EPHA3: variants seen among roughly 807,000 people sequenced by gnomAD.
EPHA3 encodes EPH receptor A3, also known as ephrin type-A receptor 3.
EPHA3 carries 42 observed loss-of-function variants against 107.1 expected under a neutral mutation model. The ratio of observed to expected loss-of-function variants is 0.39; its 90% CI spans 0.31 to 0.51. The LOEUF is 0.51. Among genes scored for constraint, EPHA3 ranks in the 20% least tolerant of loss-of-function variants. The probability of loss-of-function intolerance (pLI) is 0.78; values close to 1 mark genes in which losing one functional copy is unlikely to be tolerated. For missense variants in EPHA3, 1,183 were observed against 1,211.2 expected, an observed-to-expected ratio of 0.98 and a Z score of 0.35; for synonymous variants, 461 against 424.8, an observed-to-expected ratio of 1.09 and a Z score of -1.05.
At chr3:89,351,620 T>C (rs1707822461) in intron 5 of EPHA3, among the ~76,000 whole-genome samples, 1 of 151,296 alleles carries the variant, frequency 6.6e-6, no homozygotes, top group Non-Finnish European at 1.5e-5. Flanking sequence ...GCTGTTCCTA[T>C]TCGGCCATCT....
chr3:89,275,831 C>T (rs1017794770), intron 3 of EPHA3, among the ~76,000 whole-genome samples: 8 of 152,004 alleles, frequency 5.3e-5, no homozygotes, highest in South Asian at 2.1e-4. Flanking sequence ...CTAAAAGCTA[C>T]GAACTTTGCT....
chr3:89,201,430 G>A (rs1705966694), intron 2 of EPHA3, among the ~76,000 whole-genome samples: 1 of 152,136 alleles, frequency 6.6e-6, no homozygotes, highest in Non-Finnish European at 1.5e-5. Flanking sequence ...ATAAAAATCT[G>A]TCATGTGTAC....
At chr3:89,137,933 C>T (rs1411892954) in intron 2 of EPHA3, among the ~76,000 whole-genome samples, 2 of 151,872 alleles carry the variant, frequency 1.3e-5, no homozygotes, top group African/African-American at 4.8e-5. Context: ...CCAATCATGA[C>T]CTGTTGCATT....
At chr3:89,296,396 G>A (rs1706353745) in intron 3 of EPHA3, among the ~76,000 whole-genome samples, 1 of 152,162 alleles carries the variant, frequency 6.6e-6, no homozygotes, top group Admixed American at 6.6e-5. Context: ...AACACGCATG[G>A]AAAATCTTTG....
intron 15 of EPHA3, among the ~76,000 whole-genome samples, chr3:89,459,098 T>C (rs1001506166): frequency 6.6e-6 from 1 of 152,106 alleles, no homozygotes; most frequent in African/African-American, 2.4e-5. Context: ...AAAACCTAGA[T>C]GATGTGTTGA....
intron 3 of EPHA3, among the ~76,000 whole-genome samples, chr3:89,251,780 C>T (rs1323957324): frequency 3.3e-5 from 5 of 151,252 alleles, no homozygotes; most frequent in East Asian, 1.9e-4. Flanking sequence ...GGATGTGTTC[C>T]AAGAAATTGT....
intron 5 of EPHA3, among the ~76,000 whole-genome samples, chr3:89,353,317 C>T (rs6783533): frequency 0.013 from 2,009 of 151,228 alleles, 74 homozygotes; most frequent in African/African-American, 0.046. Flanking sequence ...GCCAATGTAG[C>T]GAATCGGAAA....
chr3:89,350,468 C>G (rs1318253594), intron 5 of EPHA3, among the ~76,000 whole-genome samples: 2 of 151,370 alleles, frequency 1.3e-5, no homozygotes, highest in African/African-American at 2.4e-5. Flanking sequence ...TCAGCTTCAT[C>G]AGCTCCTTTA....
chr3:89,341,839 G>T lies in EPHA3; in HGVS notation c.1055G>T (p.Gly352Val). 1 of 1,613,930 alleles carries T rather than the reference G, an allele frequency of 6.2e-7. No individual in the cohort carries two copies. The highest frequency in any genetic ancestry group is 8.5e-7 in the Non-Finnish European group (1 of 1,180,000). Reference sequence around the variant, plus strand: ...GACTGGAGTTGGCCCCTGGACACAGGAGGCCGGAAAGATGTTACCTTCAAC... The same window carrying T: ...GACTGGAGTTGGCCCCTGGACACAGTAGGCCGGAAAGATGTTACCTTCAAC... ...ILDWSWPLDT[G>V]GRKDVTFNII... Residue 352 changes from glycine (G) to valine (V), a missense_variant, in exon 5 of 17, where the codon GGA becomes GTA. Gly to Val is a moderately radical substitution (Grantham distance 109, BLOSUM62 -3). Coordinates refer to ENST00000336596, the MANE Select transcript of EPHA3 (RefSeq NM_005233.6).
chr3:89,132,665 T>C (rs1298060910), intron 2 of EPHA3, among the ~76,000 whole-genome samples: 2 of 152,114 alleles, frequency 1.3e-5, no homozygotes, highest in African/African-American at 4.8e-5. Flanking sequence ...AGGCCAGGGC[T>C]TCAGGATCAG....
Position 89,346,871 on chromosome 3 carries a change from G to A in EPHA3, c.1306+4781G>A, listed in dbSNP as rs1056680134. ...TTTTGCCAGCACCATTTATTAAATA[G>A]GGAATCCTTTCCCCATTGCTTGTTT... On this transcript the variant is annotated intron_variant, in intron 5 of 16. Coordinates refer to ENST00000336596, the MANE Select transcript of EPHA3 (RefSeq NM_005233.6). Among the ~76,000 whole-genome samples, 8 of 145,500 alleles carry A rather than the reference G, an allele frequency of 5.5e-5. No individual in the cohort carries two copies. The South Asian group carries it at 6.4e-4, about 12-fold the overall frequency.
At chr3:89,128,397 G>A (rs1704137150) in intron 2 of EPHA3, among the ~76,000 whole-genome samples, 1 of 152,060 alleles carries the variant, frequency 6.6e-6, no homozygotes, top group Admixed American at 6.6e-5. Context: ...TTTCCCAGAG[G>A]TGTAAAAGGA....
intron 2 of EPHA3, among the ~76,000 whole-genome samples, chr3:89,149,074 G>A (rs1704633604): frequency 6.6e-6 from 1 of 151,870 alleles, no homozygotes; most frequent in Non-Finnish European, 1.5e-5. Context: ...CAGAAAAATG[G>A]GAGCATGGTT....
Position 89,303,445 on chromosome 3 carries a change from C to CAAA in EPHA3, c.815-37461_815-37459dup, listed in dbSNP as rs67736700. Among the ~76,000 whole-genome samples the CAAA allele has an allele frequency of 3.4e-3, 395 of 114,590 alleles. 4 individuals carry two copies. Among genetic ancestry groups the CAAA allele is most frequent in the African/African-American group, 7.8e-3 (263 of 33,806 alleles). 75.2% of individuals were successfully genotyped at this position (114,590 alleles called of 152,430 possible). On this transcript the variant is annotated intron_variant, in intron 3 of 16. Coordinates refer to ENST00000336596, the MANE Select transcript of EPHA3 (RefSeq NM_005233.6). ...GCAAAACCTGATATCTATAAAAAGG[C>CAAA]AAAAAAAAAAAAGAAGAGGAAGAAA...
intron 6 of EPHA3, among the ~76,000 whole-genome samples, chr3:89,396,963 G>A (rs1708861874): frequency 6.6e-6 from 1 of 152,136 alleles, no homozygotes; most frequent in Non-Finnish European, 1.5e-5. Flanking sequence ...TTAGGCATCT[G>A]TTTTGAATTG....
chr3:89,178,358 G>C (rs1180569447), intron 2 of EPHA3, among the ~76,000 whole-genome samples: 12 of 151,990 alleles, frequency 7.9e-5, no homozygotes, highest in Non-Finnish European at 1.8e-4. Flanking sequence ...TGCAAAGATG[G>C]AACTAAGGTA....
intron 3 of EPHA3, among the ~76,000 whole-genome samples, chr3:89,234,914 G>GCCTTCCTTCCCTC (rs1390441619): frequency 1.3e-5 from 1 of 79,638 alleles, no homozygotes; most frequent in Non-Finnish European, 2.5e-5. Context: ...CTTCCTTCCT[G>GCCTTCCTTCCCTC]CCTTCCTTCC....
chr3:89,117,104 A>G (rs1430820092), intron 1 of EPHA3, among the ~76,000 whole-genome samples: 1 of 152,108 alleles, frequency 6.6e-6, no homozygotes, highest in Admixed American at 6.5e-5. Flanking sequence ...TAATTTTATT[A>G]CTGAGAAGTT....
intron 11 of EPHA3, 48 bp downstream of exon 11, chr3:89,419,438 G>A (rs1404548917): frequency 6.8e-7 from 1 of 1,479,612 alleles, no homozygotes; most frequent in East Asian, 2.4e-5. Context: ...TTGAGCAAAG[G>A]TTGTTTAAAC....
Sources: gnomAD v4.1 joint callset for allele counts (sites outside exome capture counted in the v4.1 genomes callset) on GRCh38, gnomAD v4.1.1 for gene constraint, MANE v1.5 for transcripts, NCBI Gene and HGNC (gene_info 2026-07-23, HGNC 2026-07-21) for gene names.